The following WWC2 variants were observed in gnomAD, a reference collection of about 807,000 sequenced individuals.
WWC2 encodes WW and C2 domain containing 2, also known as protein WWC2.
A neutral mutation model predicts 138.5 loss-of-function variants in WWC2; 101 were observed. That is an observed-to-expected ratio of 0.73 (90% CI 0.62 to 0.86). The LOEUF is 0.86. Among genes scored for constraint, WWC2 ranks in the 40% least tolerant of loss-of-function variants. WWC2 has a pLI of 0.00. For missense variants in WWC2, 1,420 were observed against 1,419.4 expected (o/e 1.00, Z -0.01); for synonymous variants, 558 against 538.4 (o/e 1.04, Z -0.50).
At chr4:183,127,801 A>G (rs1289602475) in intron 1 of WWC2, among the ~76,000 whole-genome samples, 1 of 152,164 alleles carries the variant, frequency 6.6e-6, no homozygotes, top group East Asian at 1.9e-4. Context: ...CATAAAATCT[A>G]AATTGAAAAC....
rs943269299 is a variant in WWC2 at position 183,193,689 on chromosome 4, C to T, written c.222C>T (p.Tyr74=). The T allele has an allele frequency of 3.7e-6, 6 of 1,613,316 alleles. No individual in the cohort carries two copies. The African/African-American group carries it at 8.0e-5, about 22-fold the overall frequency. ...GGTTTGACCCTCAGATTGGTGTCTACTACATCGATCACATCAACAGTAAGT... is the reference window on the plus strand; with the variant it reads ...GGTTTGACCCTCAGATTGGTGTCTATTACATCGATCACATCAACAGTAAGT... ...EAGFDPQIGV[Y]YIDHINKTTQ... The change falls in exon 2 of 23, where the codon TAC becomes TAT. Residue 74 remains tyrosine (Y), a synonymous_variant. Transcript: ENST00000403733.
chr4:183,297,214 C>T (rs893163487), intron 21 of WWC2, among the ~76,000 whole-genome samples: 1 of 152,080 alleles, frequency 6.6e-6, no homozygotes, highest in Non-Finnish European at 1.5e-5. Context: ...CTCAAGCAAG[C>T]CTCCCTCCTC....
intron 1 of WWC2, among the ~76,000 whole-genome samples, chr4:183,139,022 G>T (rs1311766381): frequency 6.6e-6 from 1 of 152,154 alleles, no homozygotes; most frequent in African/African-American, 2.4e-5. Flanking sequence ...TGTGGGAATT[G>T]GAAGAGTGGC....
chr4:183,247,657 A>AC, intron 6 of WWC2, among the ~76,000 whole-genome samples: 1 of 139,506 alleles, frequency 7.2e-6, no homozygotes, highest in African/African-American at 2.7e-5. Context: ...ACTATATACT[A>AC]TATATACTAT....
At chr4:183,261,640 C>A in intron 11 of WWC2, 108 bp downstream of exon 11, 1 of 1,289,328 alleles carries the variant, frequency 7.8e-7, no homozygotes, top group Non-Finnish European at 1.0e-6. Context: ...CCTTCTCTTT[C>A]TTTTGAGTAA....
chr4:183,218,663 C>T (rs1735827161), intron 4 of WWC2, among the ~76,000 whole-genome samples: 1 of 152,076 alleles, frequency 6.6e-6, no homozygotes. Context: ...GCCTGGAGAC[C>T]CAGGAAAGCT....
chr4:183,319,849 T>C lies in WWC2; in HGVS notation c.*4120T>C, dbSNP rs771659219. On this transcript the variant is annotated 3_prime_UTR_variant, in exon 23 of 23. Transcript: ENST00000403733. ...GTGACTCCCGAGGCCCAGGACAGAA[T>C]TCCTCCCAGGATCAGCAGTCGCCTC... The C allele has an allele frequency of 1.2e-5, 19 of 1,613,832 alleles. No individual in the cohort carries two copies. The highest frequency in any genetic ancestry group is 1.7e-5 in the Admixed American group (1 of 59,996).
intron 16 of WWC2, among the ~76,000 whole-genome samples, chr4:183,273,860 G>T (rs1737772463): frequency 6.6e-6 from 1 of 151,952 alleles, no homozygotes; most frequent in Non-Finnish European, 1.5e-5. Context: ...TTTATTCCTG[G>T]GTCTTTTTCT....
At chr4:183,161,264 C>T (rs757538960) in intron 1 of WWC2, among the ~76,000 whole-genome samples, 1 of 152,162 alleles carries the variant, frequency 6.6e-6, no homozygotes, top group Non-Finnish European at 1.5e-5. Context: ...CTGCTTTTTA[C>T]TACAAACAGA....
chr4:183,164,306 A>G (rs1193187056), intron 1 of WWC2, among the ~76,000 whole-genome samples: 1 of 846 alleles, frequency 1.2e-3, no homozygotes, highest in African/African-American at 1.5e-3. Context: ...ATATACATAT[A>G]TATATTATAT....
chr4:183,304,057 TC>T, intron 21 of WWC2, among the ~76,000 whole-genome samples: 1 of 152,128 alleles, frequency 6.6e-6, no homozygotes, highest in Non-Finnish European at 1.5e-5. Flanking sequence ...GCTTCTGGTT[TC>T]TGGTCCAACA....
In WWC2 at chr4:183,136,907, C is replaced by T. The variant is rs375107186; in HGVS notation, c.131+37285C>T. On this transcript the variant is annotated intron_variant, in intron 1 of 22. Transcript: ENST00000403733. Reference sequence around the variant, plus strand: ...ATTAGGCCTATACCTAAAACCTAGGCGATATGGTGGTGCCTATTCCTCCTA... The same window carrying T: ...ATTAGGCCTATACCTAAAACCTAGGTGATATGGTGGTGCCTATTCCTCCTA... Among the ~76,000 whole-genome samples the T allele has an allele frequency of 4.6e-5, 7 of 152,212 alleles. No homozygotes were observed. The East Asian group carries it at 9.6e-4, about 21-fold the overall frequency.
intron 21 of WWC2, among the ~76,000 whole-genome samples, chr4:183,302,427 G>A (rs568410511): frequency 1.3e-5 from 2 of 152,306 alleles, no homozygotes; most frequent in South Asian, 4.1e-4. Flanking sequence ...AAGTCTAGAA[G>A]CATCGCAATT....
chr4:183,300,340 TC>T (rs1294317819), intron 21 of WWC2, among the ~76,000 whole-genome samples: 164 of 148,824 alleles, frequency 1.1e-3, no homozygotes, highest in African/African-American at 3.9e-3. Context: ...AGCAGGAATT[TC>T]TTTTTTTTTT....
Position 183,133,303 on chromosome 4 carries a change from C to T in WWC2, c.131+33681C>T, listed in dbSNP as rs183132582. ...CCAAGAGGCTGGGACTATAGGAGCA[C>T]ACCCCCTTGCCTGCCTGTTTTCTTT... On this transcript the variant is annotated intron_variant, in intron 1 of 22. Transcript: ENST00000403733. 9.0e-4 allele frequency among the ~76,000 whole-genome samples: 136 copies of T among 151,928 alleles called. 1 individual carries two copies. The highest frequency in any genetic ancestry group is 1.3e-3 in the Non-Finnish European group (86 of 67,910).
chr4:183,141,735 CATT>C (rs1733307055), intron 1 of WWC2, among the ~76,000 whole-genome samples: 2 of 152,162 alleles, frequency 1.3e-5, no homozygotes, highest in South Asian at 4.1e-4. Flanking sequence ...AGAGGTGTAT[CATT>C]ATGTAGATAT....
intron 16 of WWC2, among the ~76,000 whole-genome samples, chr4:183,278,622 C>A (rs1276020203): frequency 6.6e-6 from 1 of 151,932 alleles, no homozygotes; most frequent in Non-Finnish European, 1.5e-5. Context: ...ATGGAATGTT[C>A]TTCCATTTGT....
chr4:183,180,204 C>T (rs140032424), intron 1 of WWC2, among the ~76,000 whole-genome samples: 3 of 152,212 alleles, frequency 2.0e-5, no homozygotes, highest in Non-Finnish European at 2.9e-5. Context: ...GTATATCAGG[C>T]GGACTGGCTT....
chr4:183,230,890 T>A (rs1165925532), intron 4 of WWC2, among the ~76,000 whole-genome samples: 1 of 152,144 alleles, frequency 6.6e-6, no homozygotes, highest in Non-Finnish European at 1.5e-5. Flanking sequence ...ACATTTGAAT[T>A]TTGAAGTGAA....
Sources: gnomAD v4.1 joint callset for allele counts (sites outside exome capture counted in the v4.1 genomes callset) on GRCh38, gnomAD v4.1.1 for gene constraint, MANE v1.5 for transcripts, NCBI Gene and HGNC (gene_info 2026-07-23, HGNC 2026-07-21) for gene names.